The following PLCB4 variants were observed in gnomAD, a reference collection of about 807,000 sequenced individuals.
PLCB4 encodes 1-phosphatidylinositol 4,5-bisphosphate phosphodiesterase beta-4.
A neutral mutation model predicts 178.8 loss-of-function variants in PLCB4; 77 were observed. The observed-to-expected ratio is 0.43, with a 90% CI of 0.36 to 0.52. The LOEUF (loss-of-function observed/expected upper bound fraction) is 0.52, where lower values mean the gene tolerates loss of function less well. Among genes scored for constraint, PLCB4 ranks in the 20% least tolerant of loss-of-function variants. PLCB4 has a pLI of 0.00. For synonymous variants in PLCB4, 496 were observed against 490.8 expected (o/e 1.01, Z -0.14); for missense variants, 1,024 against 1,453.4 (o/e 0.70, Z 4.80).
At chr20:9,268,282 T>G (rs542200975) in intron 3 of PLCB4, among the ~76,000 whole-genome samples, 4 of 152,298 alleles carry the variant, frequency 2.6e-5, no homozygotes, top group Middle Eastern at 3.4e-3. Flanking sequence ...TCTAGGGTCT[T>G]GATCAGTCTG....
At chr20:9,393,552 C>G in intron 17 of PLCB4, 36 bp from the exon 18 acceptor site, 1 of 1,369,920 alleles carries the variant, frequency 7.3e-7, no homozygotes, top group Non-Finnish European at 1.0e-6. Flanking sequence ...AGAAGCACAG[C>G]CCTTCCTTAA....
At chr20:9,128,199 C>T (rs1461323245) in intron 2 of PLCB4, among the ~76,000 whole-genome samples, 1 of 151,634 alleles carries the variant, frequency 6.6e-6, no homozygotes, top group Non-Finnish European at 1.5e-5. Flanking sequence ...GTGGTATGTC[C>T]CCTCTTCTCT....
At chr20:9,256,971 T>C (rs2094242754) in intron 3 of PLCB4, among the ~76,000 whole-genome samples, 1 of 152,200 alleles carries the variant, frequency 6.6e-6, no homozygotes, top group Non-Finnish European at 1.5e-5. Context: ...GGGCAAGTGA[T>C]TGTTCTCATG....
At chr20:9,389,292 C>T (rs1044959898) in intron 15 of PLCB4, among the ~76,000 whole-genome samples, 24 of 152,062 alleles carry the variant, frequency 1.6e-4, no homozygotes, top group Non-Finnish European at 4.4e-5. Context: ...TGTTGCTTGA[C>T]CAACGAGAAC....
chr20:9,077,049 A>G (rs1200601685), intron 1 of PLCB4, among the ~76,000 whole-genome samples: 1 of 152,104 alleles, frequency 6.6e-6, no homozygotes, highest in Admixed American at 6.6e-5. Flanking sequence ...TTCTTATTAC[A>G]TATACTGGAT....
intron 5 of PLCB4, 44 bp downstream of exon 5, chr20:9,337,250 T>A: frequency 7.2e-7 from 1 of 1,397,580 alleles, no homozygotes; most frequent in Non-Finnish European, 1.0e-6. Context: ...CTTTGTGGTT[T>A]AAGCCATTTT....
At chr20:9,392,462 A>G (rs1363555206) in intron 17 of PLCB4, among the ~76,000 whole-genome samples, 4 of 152,182 alleles carry the variant, frequency 2.6e-5, no homozygotes, top group Non-Finnish European at 5.9e-5. Flanking sequence ...GTAAATGGAG[A>G]GGATATTTCC....
At chr20:9,476,318 A>G (rs181599088) in intron 38 of PLCB4, among the ~76,000 whole-genome samples, 3 of 152,268 alleles carry the variant, frequency 2.0e-5, no homozygotes, top group Admixed American at 6.5e-5. Flanking sequence ...GCTACACAGT[A>G]TATCTCATCT....
intron 2 of PLCB4, among the ~76,000 whole-genome samples, chr20:9,163,004 A>G (rs1313039925): frequency 1.3e-5 from 2 of 152,156 alleles, no homozygotes; most frequent in Admixed American, 6.6e-5. Context: ...ATTTTAAGCT[A>G]GCAGTTCAGC....
intron 2 of PLCB4, among the ~76,000 whole-genome samples, chr20:9,128,645 C>A (rs1049427679): frequency 6.6e-6 from 1 of 152,140 alleles, no homozygotes; most frequent in African/African-American, 2.4e-5. Flanking sequence ...GCCTTGGCCT[C>A]CTAAAGTGCT....
chr20:9,263,026 T>C (rs1222105323), intron 3 of PLCB4, among the ~76,000 whole-genome samples: 15 of 152,190 alleles, frequency 9.9e-5, no homozygotes, highest in Non-Finnish European at 2.1e-4. Context: ...TTTCTCTGTA[T>C]ACATGAGGTT....
chr20:9,250,328 C>T (rs909170761), intron 3 of PLCB4, among the ~76,000 whole-genome samples: 1 of 152,218 alleles, frequency 6.6e-6, no homozygotes, highest in African/African-American at 2.4e-5. Flanking sequence ...CACAAACCTT[C>T]CTTAAACTCT....
At chr20:9,399,748 C>T (rs1046389325) in intron 19 of PLCB4, among the ~76,000 whole-genome samples, 1 of 152,136 alleles carries the variant, frequency 6.6e-6, no homozygotes, top group South Asian at 2.1e-4. Context: ...GGGGTATGCC[C>T]CTTGCCTTCA....
chr20:9,399,530 G>C (rs75126433), intron 19 of PLCB4, among the ~76,000 whole-genome samples: 3,036 of 152,296 alleles, frequency 0.02, 110 homozygotes, highest in African/African-American at 0.069. Flanking sequence ...AATAGAAAAG[G>C]CTTTCAGTCA....
intron 3 of PLCB4, among the ~76,000 whole-genome samples, chr20:9,289,073 A>G (rs1244697660): frequency 6.6e-5 from 10 of 152,146 alleles, no homozygotes; most frequent in Non-Finnish European, 1.5e-5. Context: ...CTTATTATCC[A>G]TGCAATTGTC....
rs181532778 is a variant in PLCB4 at position 9,329,337 on chromosome 20, A to C, written c.85-7789A>C. Among the ~76,000 whole-genome samples, 84 of 152,300 alleles carry C rather than the reference A, an allele frequency of 5.5e-4. 1 individual carries two copies. The highest frequency in any genetic ancestry group is 1.9e-3 in the African/African-American group (80 of 41,574). On this transcript the variant is annotated intron_variant, in intron 4 of 39. Coordinates refer to ENST00000378473, the MANE Select transcript of PLCB4 (RefSeq NM_001377142.1). ...GCCGAAGACTCCTTGTACTGACACTATCTGCCTAATAATTTCTTTCTAGCT... is the reference window on the plus strand; with the variant it reads ...GCCGAAGACTCCTTGTACTGACACTCTCTGCCTAATAATTTCTTTCTAGCT...
intron 2 of PLCB4, among the ~76,000 whole-genome samples, chr20:9,211,643 A>C (rs1211391860): frequency 6.6e-6 from 1 of 150,660 alleles, no homozygotes; most frequent in East Asian, 1.9e-4. Flanking sequence ...TATTTGCTTA[A>C]AAAGAAAATA....
chr20:9,477,026 A>G (rs1044365134), intron 39 of PLCB4, among the ~76,000 whole-genome samples: 4 of 152,202 alleles, frequency 2.6e-5, no homozygotes, highest in African/African-American at 9.7e-5. Context: ...ACATAACCAG[A>G]ACAGTGATGT....
intron 2 of PLCB4, among the ~76,000 whole-genome samples, chr20:9,174,099 C>T (rs1410998483): frequency 6.6e-6 from 1 of 152,010 alleles, no homozygotes; most frequent in Admixed American, 6.6e-5. Context: ...TATTTCTTGG[C>T]TTGGTTTTGC....
Sources: allele counts gnomAD v4.1 joint callset (sites outside exome capture counted in the v4.1 genomes callset), GRCh38; gene constraint gnomAD v4.1.1; transcripts MANE v1.5; gene names NCBI Gene and HGNC (gene_info 2026-07-23, HGNC 2026-07-21).